INSR: variants seen among roughly 807,000 people sequenced by gnomAD.
INSR encodes the protein IR.
A neutral mutation model predicts 142.6 loss-of-function variants in INSR; 67 were observed. That is an observed-to-expected ratio of 0.47 (90% CI 0.39 to 0.58). INSR has a LOEUF of 0.58. INSR is among the 20% of genes least tolerant of loss of function. The pLI is 0.00. For missense variants in INSR, 1,248 were observed against 1,833.2 expected (o/e 0.68, Z 5.83); for synonymous variants, 756 against 743.1 (o/e 1.02, Z -0.28).
Position 7,267,875 on chromosome 19 carries a change from C to T in INSR, c.122G>A (p.Arg41Gln). 1.9e-6 allele frequency: 3 copies of T among 1,613,756 alleles called. No individual in the cohort carries two copies. Among genetic ancestry groups the T allele is most frequent in the Admixed American group, 1.7e-5 (1 of 59,936 alleles). The change falls in exon 2 of 22, where the codon CGG (arginine) becomes CAG (glutamine). Residue 41 changes from arginine to glutamine, a missense_variant. Transcript: ENST00000302850. The surrounding 1 kb of genome is among the most constrained non-coding windows in gnomAD (Gnocchi z 6.3). ...CTCATGCAACCTAGTGAGGTTGTTC[C>T]GGATATCCATGCCGGGACACACTAC... ...PGEVCPGMDI[R>Q]NNLTRLHELE...
In INSR at chr19:7,293,395, T is replaced by G. The variant is rs1002793293; in HGVS notation, c.100+397A>C. 7.2e-5 allele frequency among the ~76,000 whole-genome samples: 11 copies of G among 152,246 alleles called. No individual in the cohort carries two copies. In the East Asian group the frequency reaches 1.9e-3, roughly 27 times the overall value. ...CTACACCATATGCGCTCGGGGGACT[T>G]GGCTGTTCGGGGCTGTCCAGACCCA... is the stretch of plus-strand genomic sequence containing the variant. On this transcript the variant is annotated intron_variant, in intron 1 of 21. Coordinates refer to ENST00000302850, the MANE Select transcript of INSR (RefSeq NM_000208.4).
chr19:7,152,697 A>G, intron 10 of INSR, 29 bp downstream of exon 10: 2 of 1,589,476 alleles, frequency 1.3e-6, no homozygotes, highest in Non-Finnish European at 1.7e-6. Context: ...ATTGGCACCC[A>G]CTAAGAGAGC....
At chr19:7,230,805 C>CAAAAA (rs1491540793) in intron 2 of INSR, among the ~76,000 whole-genome samples, 3 of 58,656 alleles carry the variant, frequency 5.1e-5, no homozygotes, top group African/African-American at 5.8e-5. Flanking sequence ...GACTCCATCT[C>CAAAAA]AAAAATAAAA....
At chr19:7,281,183 T>G (rs1230387865) in intron 1 of INSR, among the ~76,000 whole-genome samples, 1 of 152,026 alleles carries the variant, frequency 6.6e-6, no homozygotes, top group Non-Finnish European at 1.5e-5. Flanking sequence ...ACAAGAGAAG[T>G]CCTGCCAGAC....
At chr19:7,141,506 T>G in intron 13 of INSR, 171 bp downstream of exon 13, 1 of 850,772 alleles carries the variant, frequency 1.2e-6, no homozygotes, top group East Asian at 2.7e-5. Flanking sequence ...TTGGCATTTC[T>G]GACCCATCTT....
Position 7,150,567 on chromosome 19 carries a change from G to A in INSR, c.2232-35C>T. 1.9e-6 allele frequency: 3 copies of A among 1,611,460 alleles called. No individual in the cohort carries two copies. Among genetic ancestry groups the A allele is most frequent in the Non-Finnish European group, 1.7e-6 (2 of 1,177,714 alleles). The stretch of plus-strand genomic sequence containing the variant: ...CAAAACCAACGCCTTTGAGGACAGA[G>A]GGAACTTCATTAGACAGACCACTGG... On this transcript the variant is annotated intron_variant, in intron 10 of 21. Coordinates refer to ENST00000302850, the MANE Select transcript of INSR (RefSeq NM_000208.4). This position sits in a 1 kb window ranked among gnomAD's most constrained non-coding sequence, Gnocchi z 4.2.
intron 2 of INSR, among the ~76,000 whole-genome samples, chr19:7,232,875 T>C (rs1257922720): frequency 2.6e-5 from 4 of 152,120 alleles, no homozygotes; most frequent in Non-Finnish European, 4.4e-5. Flanking sequence ...TAGGTCACAA[T>C]GTACAGCTGC....
intron 8 of INSR, among the ~76,000 whole-genome samples, chr19:7,163,925 T>TAAAAAACAAAAAAAAAAAA (rs1973823992): frequency 2.2e-5 from 1 of 44,588 alleles, no homozygotes; most frequent in Non-Finnish European, 3.7e-5. Flanking sequence ...CTATCTCTAC[T>TAAAAAACAAAAAAAAAAAA]AAAAAAAAAA....
chr19:7,290,006 G>A (rs777582065), intron 1 of INSR, among the ~76,000 whole-genome samples: 2 of 152,190 alleles, frequency 1.3e-5, no homozygotes, highest in East Asian at 1.9e-4. Context: ...AGGGTAGAGT[G>A]GGGTGAGGTG....
At chr19:7,151,165 TTTCTTTC>T (rs1205244798) in intron 10 of INSR, among the ~76,000 whole-genome samples, 1 of 3,980 alleles carries the variant, frequency 2.5e-4, no homozygotes, top group African/African-American at 3.2e-4. Context: ...TTTCTTTCTC[TTTCTTTC>T]TTTCTTTCTT....
intron 2 of INSR, among the ~76,000 whole-genome samples, chr19:7,247,113 C>T: frequency 6.6e-6 from 1 of 152,344 alleles, no homozygotes; most frequent in South Asian, 2.1e-4. Context: ...CTGCCCCCAC[C>T]TCATGGCTTA....
rs1975430284 is a variant in INSR at position 7,216,264 on chromosome 19, CAGTG to C, written c.653-31631_653-31628del. ...GCTTAAACCCAGGAGGCAGAGGTTG[CAGTG>C]AGCTGAGATCGTGCCATTGCACTCC... On this transcript the variant is annotated intron_variant, in intron 2 of 21. Coordinates refer to ENST00000302850, the MANE Select transcript of INSR (RefSeq NM_000208.4). This position sits in a 1 kb window ranked among gnomAD's most constrained non-coding sequence, Gnocchi z 4.2. Among the ~76,000 whole-genome samples, 1 of 152,168 alleles carries C rather than the reference CAGTG, an allele frequency of 6.6e-6. No homozygotes were observed. The highest frequency in any genetic ancestry group is 6.5e-5 in the Admixed American group (1 of 15,272).
At chr19:7,193,519 A>G (rs964266125) in intron 2 of INSR, among the ~76,000 whole-genome samples, 1 of 151,642 alleles carries the variant, frequency 6.6e-6, no homozygotes, top group Non-Finnish European at 1.5e-5. Flanking sequence ...TCATAAAAAA[A>G]CAAACAAAAA....
At chr19:7,203,000 T>TTTTGTTG (rs1975008565) in intron 2 of INSR, among the ~76,000 whole-genome samples, 2 of 151,260 alleles carry the variant, frequency 1.3e-5, no homozygotes, top group African/African-American at 4.9e-5. Context: ...TTTGTTGTTT[T>TTTTGTTG]TTTTTTTTTT....
At chr19:7,268,064 A>T (rs1041220090) in intron 1 of INSR, among the ~76,000 whole-genome samples, 168 bp from the exon 2 acceptor site, 1 of 152,132 alleles carries the variant, frequency 6.6e-6, no homozygotes, top group African/African-American at 2.4e-5. Flanking sequence ...CTTTCTCTGT[A>T]AAGTACCCAT....
intron 10 of INSR, 73 bp downstream of exon 10, chr19:7,152,653 C>A: frequency 8.0e-7 from 1 of 1,253,470 alleles, no homozygotes; most frequent in East Asian, 2.3e-5. Context: ...ACCTCTCGGT[C>A]CCTAAGTAAT....
chr19:7,221,758 T>G (rs1401101005), intron 2 of INSR, among the ~76,000 whole-genome samples: 1 of 151,608 alleles, frequency 6.6e-6, no homozygotes, highest in Non-Finnish European at 1.5e-5. Flanking sequence ...TTGCATGGAC[T>G]CTGGCATCAC....
intron 2 of INSR, among the ~76,000 whole-genome samples, chr19:7,200,841 C>G (rs535437635): frequency 8.4e-6 from 1 of 119,632 alleles, no homozygotes; most frequent in African/African-American, 3.5e-5. Flanking sequence ...GCCTGGGTAA[C>G]AGAGTGAGAC....
intron 9 of INSR, among the ~76,000 whole-genome samples, chr19:7,154,540 G>A (rs1973539091): frequency 6.6e-6 from 1 of 150,536 alleles, no homozygotes; most frequent in East Asian, 2.0e-4. Context: ...CTGACCTCGT[G>A]ATCTGCCCGC....
Sources: allele counts gnomAD v4.1 joint callset (sites outside exome capture counted in the v4.1 genomes callset), GRCh38; gene constraint gnomAD v4.1.1; non-coding constraint Gnocchi (gnomAD v3.1); transcripts MANE v1.5; gene names NCBI Gene and HGNC (gene_info 2026-07-23, HGNC 2026-07-21).